ZCCHC24: variants seen among roughly 807,000 people sequenced by gnomAD.
ZCCHC24 encodes zinc finger CCHC-type containing 24.
In ZCCHC24, 10 loss-of-function variants were observed where a neutral mutation model predicts 26.2. The ratio of observed to expected loss-of-function variants is 0.38; its 90% CI spans 0.24 to 0.65. ZCCHC24 has a LOEUF of 0.65. Ranked by LOEUF, ZCCHC24 falls within the 30% of genes least tolerant of loss-of-function variation. The pLI is 0.54. For synonymous variants in ZCCHC24, 144 were observed against 147.1 expected, an observed-to-expected ratio of 0.98 and a Z score of 0.15; for missense variants, 243 against 329.1, an observed-to-expected ratio of 0.74 and a Z score of 2.03.
At chr10:79,395,650 G>C (rs992760980) in intron 2 of ZCCHC24, among the ~76,000 whole-genome samples, 6 of 152,174 alleles carry the variant, frequency 3.9e-5, no homozygotes, top group Non-Finnish European at 7.3e-5. Context: ...CTTTTATTAT[G>C]AGCAAGAGTG....
rs891475200 is a variant in ZCCHC24, at chr10:79,385,399, A to C, written c.*946T>G. On this transcript the variant is annotated 3_prime_UTR_variant, in exon 4 of 4. Coordinates refer to ENST00000372336, the MANE Select transcript of ZCCHC24 (RefSeq NM_153367.4). This position sits in a 1 kb window ranked among gnomAD's most constrained non-coding sequence, Gnocchi z 4.3. ...TATGCTGTCATTTAACTAATGGGGAAACTGAGGCCTGGAGATGCGAAGTCC... is the reference window on the plus strand; with the variant it reads ...TATGCTGTCATTTAACTAATGGGGACACTGAGGCCTGGAGATGCGAAGTCC... 13 of 152,226 alleles carry C rather than the reference A, an allele frequency of 8.5e-5. No homozygotes were observed. The highest frequency in any genetic ancestry group is 3.1e-4 in the African/African-American group (13 of 41,448). The allele number at this position is 152,226 out of a possible 1,614,324, so 9.4% of individuals were successfully genotyped here.
intron 1 of ZCCHC24, among the ~76,000 whole-genome samples, chr10:79,442,739 G>A (rs114032822): frequency 0.026 from 3,940 of 152,296 alleles, 174 homozygotes; most frequent in African/African-American, 0.091. Flanking sequence ...GTGGCATTGG[G>A]GTGGGGGGTA....
intron 2 of ZCCHC24, among the ~76,000 whole-genome samples, chr10:79,429,188 CAT>C (rs201574025): frequency 0.01 from 1,565 of 152,260 alleles, 42 homozygotes; most frequent in African/African-American, 0.034. Context: ...TAAAAGACCA[CAT>C]GTTACATGAT....
At chr10:79,427,631 G>A (rs1226221401) in intron 2 of ZCCHC24, among the ~76,000 whole-genome samples, 1 of 145,288 alleles carries the variant, frequency 6.9e-6, no homozygotes, top group East Asian at 2.0e-4. Flanking sequence ...AAAAAAAAAT[G>A]CCCTGTGATA....
intron 2 of ZCCHC24, among the ~76,000 whole-genome samples, chr10:79,426,344 T>C (rs1252811609): frequency 1.3e-5 from 2 of 152,208 alleles, no homozygotes; most frequent in Non-Finnish European, 2.9e-5. Flanking sequence ...TTAAAGCATT[T>C]AGATCATTTA....
At chr10:79,407,519 T>C (rs1364962105) in intron 2 of ZCCHC24, among the ~76,000 whole-genome samples, 2 of 152,192 alleles carry the variant, frequency 1.3e-5, no homozygotes, top group African/African-American at 2.4e-5. Flanking sequence ...TCAGAATCAA[T>C]AGGTCTGGGG....
intron 2 of ZCCHC24, among the ~76,000 whole-genome samples, chr10:79,431,158 A>T (rs1001222586): frequency 6.6e-6 from 1 of 152,204 alleles, no homozygotes; most frequent in African/African-American, 2.4e-5. Flanking sequence ...CTGTGTGCAC[A>T]TGAGCTGGGG....
rs1042684787 is a variant in ZCCHC24 at position 79,445,137 on chromosome 10, G to A, written c.246+58C>T. 27 of 1,247,394 alleles carry A rather than the reference G, an allele frequency of 2.2e-5. No homozygotes were observed. In the African/African-American group the frequency reaches 4.3e-4, roughly 20 times the overall value. The allele number at this position is 1,247,394 out of a possible 1,614,324, so 77.3% of individuals were successfully genotyped here. ...GAGCGGGTCAGACAGGGAACGGCCC[G>A]CCACGGTGGGGCGGTGGGGCGGTGG... On this transcript the variant is annotated intron_variant, in intron 1 of 3. Transcript: ENST00000372336.
At chr10:79,386,994 C>T (rs1395961875) in intron 3 of ZCCHC24, among the ~76,000 whole-genome samples, 1 of 152,220 alleles carries the variant, frequency 6.6e-6, no homozygotes, top group Non-Finnish European at 1.5e-5. Context: ...CCTGGCCACT[C>T]TCCACTCGCA....
At chr10:79,403,416 C>G in intron 2 of ZCCHC24, 1 of 985,484 alleles carries the variant, frequency 1.0e-6, no homozygotes, top group Non-Finnish European at 1.2e-6. Flanking sequence ...AAGACCTCCA[C>G]ACTCACATGT....
chr10:79,429,529 C>A (rs1857097365), intron 2 of ZCCHC24, among the ~76,000 whole-genome samples: 1 of 152,008 alleles, frequency 6.6e-6, no homozygotes, highest in African/African-American at 2.4e-5. Context: ...TGCAGTGAGC[C>A]AAGATGATGC....
rs536414561 is a variant in ZCCHC24 at position 79,389,689 on chromosome 10, C to T, written c.613-3231G>A. Among the ~76,000 whole-genome samples the T allele has an allele frequency of 2.2e-3, 340 of 151,688 alleles. 5 individuals carry two copies. Among genetic ancestry groups the T allele is most frequent in the African/African-American group, 7.5e-3 (309 of 41,338 alleles). ...GGAGTGCAGTGATGCTATCTCGGCT[C>T]ACAGCAACCTCTGTCTCCTGGGTTC... On this transcript the variant is annotated intron_variant, in intron 3 of 3. Coordinates refer to ENST00000372336, the MANE Select transcript of ZCCHC24 (RefSeq NM_153367.4).
intron 2 of ZCCHC24, among the ~76,000 whole-genome samples, chr10:79,404,076 T>A (rs912344659): frequency 6.6e-6 from 1 of 151,752 alleles, no homozygotes; most frequent in Non-Finnish European, 1.5e-5. Context: ...AGGCGAGACA[T>A]GATGCAGAAA....
intron 2 of ZCCHC24, among the ~76,000 whole-genome samples, chr10:79,406,838 G>C (rs192890937): frequency 6.6e-6 from 1 of 152,334 alleles, no homozygotes; most frequent in East Asian, 1.9e-4. Context: ...CCTTGCCCTT[G>C]TCTGTGGACA....
At chr10:79,432,410 G>A in intron 2 of ZCCHC24, 148 bp downstream of exon 2, 2 of 830,426 alleles carry the variant, frequency 2.4e-6, no homozygotes, top group Non-Finnish European at 3.5e-6. Context: ...TCCCAGCAGG[G>A]ACAAAAGGGT....
chr10:79,440,355 G>T (rs1857276150), intron 1 of ZCCHC24, among the ~76,000 whole-genome samples: 1 of 152,214 alleles, frequency 6.6e-6, no homozygotes, highest in African/African-American at 2.4e-5. Context: ...ATGCTGGGTT[G>T]ATGGGGAGTG....
chr10:79,404,925 A>G (rs1169944456), intron 2 of ZCCHC24, among the ~76,000 whole-genome samples: 3 of 152,092 alleles, frequency 2.0e-5, no homozygotes, highest in East Asian at 1.9e-4. Flanking sequence ...CCTGTACCCA[A>G]CACTTCACCA....
chr10:79,412,297 C>G (rs1054313865), intron 2 of ZCCHC24, among the ~76,000 whole-genome samples: 2 of 152,256 alleles, frequency 1.3e-5, no homozygotes, highest in Non-Finnish European at 2.9e-5. Flanking sequence ...CAGGAGCTTC[C>G]TGCTAAGCTC....
rs180977078 is a variant in ZCCHC24 at position 79,417,395 on chromosome 10, G to A, written c.447+15163C>T. On this transcript the variant is annotated intron_variant, in intron 2 of 3. Transcript: ENST00000372336. ...AGCCAGGGAACTTGGAGGAAGCCAG[G>A]CAGGGAGGAAGGCCTGGGTTCACAG... Among the ~76,000 whole-genome samples the A allele has an allele frequency of 1.3e-5, 2 of 152,196 alleles. 1 individual carries two copies. Among genetic ancestry groups the A allele is most frequent in the Non-Finnish European group, 2.9e-5 (2 of 68,046 alleles).
Sources: gnomAD v4.1 joint callset for allele counts (sites outside exome capture counted in the v4.1 genomes callset) on GRCh38, gnomAD v4.1.1 for gene constraint, Gnocchi (gnomAD v3.1) non-coding constraint, MANE v1.5 for transcripts, NCBI Gene and HGNC (gene_info 2026-07-23, HGNC 2026-07-21) for gene names.